BRIP1: variants seen among roughly 807,000 people sequenced by gnomAD.
BRIP1 encodes Fanconi anemia group J protein.
In BRIP1, 88 loss-of-function variants were observed where a neutral mutation model predicts 119.7. The observed-to-expected ratio is 0.74, with a 90% CI of 0.62 to 0.88. The LOEUF is 0.88. Among genes scored for constraint, BRIP1 ranks in the 40% least tolerant of loss-of-function variants. The pLI is 0.00. For missense variants in BRIP1, 1,259 were observed against 1,455.4 expected, an observed-to-expected ratio of 0.87 and a Z score of 2.20; for synonymous variants, 443 against 496.5, an observed-to-expected ratio of 0.89 and a Z score of 1.43.
At chr17:61,685,728 T>A in intron 19 of BRIP1, 108 bp downstream of exon 19, 2 of 1,041,874 alleles carry the variant, frequency 1.9e-6, no homozygotes, top group Non-Finnish European at 2.9e-6. Context: ...CACCTTATAT[T>A]ACAAACCACC....
chr17:61,859,780 T>C lies in BRIP1; in HGVS notation c.205+16A>G, dbSNP rs1057520253. The C allele has an allele frequency of 2.0e-6, 3 of 1,532,548 alleles. No individual in the cohort carries two copies. The highest frequency in any genetic ancestry group is 2.7e-6 in the Non-Finnish European group (3 of 1,105,824). 94.9% of individuals were successfully genotyped at this position (1,532,548 alleles called of 1,614,324 possible). A position where few individuals can be genotyped will look rare whatever the true frequency, so the allele number is the denominator to read the frequency against. ...GATCCCAGTAAGTAACCTGAAGATA[T>C]CAAGCAACTACTTACCACTAAGAGA... On this transcript the variant is annotated intron_variant, in intron 3 of 19. Transcript: ENST00000259008.
At chr17:61,727,581 A>G (rs2076782672) in intron 16 of BRIP1, among the ~76,000 whole-genome samples, 3 of 152,206 alleles carry the variant, frequency 2.0e-5, no homozygotes, top group Admixed American at 1.3e-4. Flanking sequence ...AGCCAGGGCA[A>G]CATAGCAAGA....
At chr17:61,800,623 C>T (rs9904292) in intron 8 of BRIP1, among the ~76,000 whole-genome samples, 118,447 of 152,086 alleles carry the variant, frequency 0.78, 46,615 homozygotes, top group African/African-American at 0.85. Context: ...GGAAAACTGA[C>T]CTGGCATTGA....
intron 13 of BRIP1, among the ~76,000 whole-genome samples, chr17:61,779,268 G>A (rs1017723420): frequency 5.3e-5 from 8 of 152,142 alleles, no homozygotes; most frequent in Non-Finnish European, 1.0e-4. Context: ...TAGTCTAATG[G>A]AAAAGAGAAG....
intron 8 of BRIP1, among the ~76,000 whole-genome samples, chr17:61,800,355 A>G (rs971788648): frequency 6.6e-6 from 1 of 152,152 alleles, no homozygotes. Context: ...GGTTTAAAAG[A>G]TAAGTAGGAT....
rs1429616893 is a variant in BRIP1 at position 61,706,155 on chromosome 17, T to C, written c.2492+9796A>G. ...TGGTGAATTCACCCTTTTATCATTA[T>C]GTAATGTTCTCTTTTATCCCTAATT... On this transcript the variant is annotated intron_variant, in intron 17 of 19. Coordinates refer to ENST00000259008, the MANE Select transcript of BRIP1 (RefSeq NM_032043.3). This position sits in a 1 kb window ranked among gnomAD's most constrained non-coding sequence, Gnocchi z 5.7. 5.3e-5 allele frequency among the ~76,000 whole-genome samples: 8 copies of C among 152,178 alleles called. No individual in the cohort carries two copies. Among genetic ancestry groups the C allele is most frequent in the Non-Finnish European group, 1.0e-4 (7 of 67,994 alleles).
intron 6 of BRIP1, among the ~76,000 whole-genome samples, chr17:61,829,967 T>G (rs1207690589): frequency 6.6e-6 from 1 of 151,758 alleles, no homozygotes; most frequent in Non-Finnish European, 1.5e-5. Flanking sequence ...AGTTTCGCTC[T>G]TGTTGCCCAG....
chr17:61,743,068 T>C lies in BRIP1; in HGVS notation c.2324A>G (p.Asn775Ser), dbSNP rs571108955. Reference protein sequence around the residue: ...VSEGLDFSDDNARAVITIGIP... With the variant: ...VSEGLDFSDDSARAVITIGIP... ...TCCTATTGTTATGACAGCACGGGCA[T>C]TGTCATCTGAGAAATCCAGACCCTC... The change falls in exon 16 of 20, where the codon AAT becomes AGT. Residue 775 changes from asparagine to serine, a missense_variant. Transcript: ENST00000259008. This position sits in a 1 kb window ranked among gnomAD's most constrained non-coding sequence, Gnocchi z 4.3. 66 of 1,613,930 alleles carry C rather than the reference T, an allele frequency of 4.1e-5. No individual in the cohort carries two copies. In the East Asian group the frequency reaches 1.4e-3, roughly 33 times the overall value.
rs1247262012 is a variant in BRIP1, at chr17:61,769,408, T to C, written c.2097+6993A>G. ...ATTCTAATGTAGGCTTTCTGTCTTC[T>C]GCATGGTCAGTATCAAACCCCTCTG... On this transcript the variant is annotated intron_variant, in intron 14 of 19. Coordinates refer to ENST00000259008, the MANE Select transcript of BRIP1 (RefSeq NM_032043.3). The surrounding 1 kb of genome is among the most constrained non-coding windows in gnomAD (Gnocchi z 4.9). 6.6e-6 allele frequency among the ~76,000 whole-genome samples: 1 copy of C among 152,176 alleles called. No individual in the cohort carries two copies. Among genetic ancestry groups the C allele is most frequent in the Non-Finnish European group, 1.5e-5 (1 of 68,038 alleles).
In BRIP1 at chr17:61,827,287, G is replaced by A. The variant is rs2078424064; in HGVS notation, c.628-18530C>T. On this transcript the variant is annotated intron_variant, in intron 6 of 19. Coordinates refer to ENST00000259008, the MANE Select transcript of BRIP1 (RefSeq NM_032043.3). The surrounding 1 kb of genome is among the most constrained non-coding windows in gnomAD (Gnocchi z 5.8). ...GCCTATCAGAGGGTAGAGGGTGGGA[G>A]CAGGGAGAGGATCAGAAAAATAACT... Among the ~76,000 whole-genome samples the A allele has an allele frequency of 6.6e-6, 1 of 152,164 alleles. No individual in the cohort carries two copies. Among genetic ancestry groups the A allele is most frequent in the South Asian group, 2.1e-4 (1 of 4,826 alleles).
Position 61,815,308 on chromosome 17 carries a change from G to A in BRIP1, c.628-6551C>T, listed in dbSNP as rs919687808. Among the ~76,000 whole-genome samples the A allele has an allele frequency of 4.6e-5, 7 of 152,218 alleles. No individual in the cohort carries two copies. The South Asian group carries it at 8.3e-4, about 18-fold the overall frequency. ...CCAGAAACTACAGACACAATTTTGT[G>A]TGCATTTTTAGAAAGTGAACCCCTA... is the stretch of plus-strand genomic sequence containing the variant. On this transcript the variant is annotated intron_variant, in intron 6 of 19. Coordinates refer to ENST00000259008, the MANE Select transcript of BRIP1 (RefSeq NM_032043.3). The surrounding 1 kb of genome is among the most constrained non-coding windows in gnomAD (Gnocchi z 4.1).
rs530158537 is a variant in BRIP1 at position 61,707,217 on chromosome 17, T to G, written c.2492+8734A>C. 8.8e-4 allele frequency among the ~76,000 whole-genome samples: 134 copies of G among 152,286 alleles called. 1 individual carries two copies. Among genetic ancestry groups the G allele is most frequent in the African/African-American group, 2.9e-3 (120 of 41,578 alleles). ...TTTCCCTAAAATATTTGAAGACAATTTCTTCTATTTTTTTGGTTTCAGTGT... is the reference window on the plus strand; with the variant it reads ...TTTCCCTAAAATATTTGAAGACAATGTCTTCTATTTTTTTGGTTTCAGTGT... On this transcript the variant is annotated intron_variant, in intron 17 of 19. Transcript: ENST00000259008.
chr17:61,696,781 C>G (rs557455112), intron 17 of BRIP1, among the ~76,000 whole-genome samples: 1 of 150,956 alleles, frequency 6.6e-6, no homozygotes, highest in Non-Finnish European at 1.5e-5. Context: ...ATCAGGAGAT[C>G]GATACCATCC....
rs368139109 is a variant in BRIP1 at position 61,743,739 on chromosome 17, G to A, written c.2258-605C>T. Among the ~76,000 whole-genome samples the A allele has an allele frequency of 2.1e-4, 32 of 152,152 alleles. No individual in the cohort carries two copies. In the South Asian group the frequency reaches 6.7e-3, roughly 32 times the overall value. Reference sequence around the variant, plus strand: ...GTCTCACTCTGTCAGCCAGGCTGGAGTGCAGTGGCACAATCACAGCTCACT... The same window carrying A: ...GTCTCACTCTGTCAGCCAGGCTGGAATGCAGTGGCACAATCACAGCTCACT... On this transcript the variant is annotated intron_variant, in intron 15 of 19. Transcript: ENST00000259008. This position sits in a 1 kb window ranked among gnomAD's most constrained non-coding sequence, Gnocchi z 4.3.
rs967591927 is a variant in BRIP1, at chr17:61,748,908, C to T, written c.2098-4317G>A. Among the ~76,000 whole-genome samples the T allele has an allele frequency of 2.0e-5, 3 of 152,260 alleles. No individual in the cohort carries two copies. Among genetic ancestry groups the T allele is most frequent in the Non-Finnish European group, 2.9e-5 (2 of 68,004 alleles). ...ATCCCAGCACTTTGGGAGGCCAAGGCGGGCAGATCACGAGGTCAGGAGATT... is the reference window on the plus strand; with the variant it reads ...ATCCCAGCACTTTGGGAGGCCAAGGTGGGCAGATCACGAGGTCAGGAGATT... On this transcript the variant is annotated intron_variant, in intron 14 of 19. Transcript: ENST00000259008. The surrounding 1 kb of genome is among the most constrained non-coding windows in gnomAD (Gnocchi z 4.7).
Position 61,704,772 on chromosome 17 carries a change from C to T in BRIP1, c.2492+11179G>A, listed in dbSNP as rs2061667326. Among the ~76,000 whole-genome samples the T allele has an allele frequency of 6.6e-6, 1 of 152,022 alleles. No homozygotes were observed. Among genetic ancestry groups the T allele is most frequent in the South Asian group, 2.1e-4 (1 of 4,812 alleles). ...TGTATAGAGTTTTTCGTAGTATTCT[C>T]ATATTATTCTTTTAATGCCTGTGGA... On this transcript the variant is annotated intron_variant, in intron 17 of 19. Coordinates refer to ENST00000259008, the MANE Select transcript of BRIP1 (RefSeq NM_032043.3). This position sits in a 1 kb window ranked among gnomAD's most constrained non-coding sequence, Gnocchi z 5.7.
Position 61,710,088 on chromosome 17 carries a change from G to A in BRIP1, c.2492+5863C>T, listed in dbSNP as rs2061748588. On this transcript the variant is annotated intron_variant, in intron 17 of 19. Transcript: ENST00000259008. The surrounding 1 kb of genome is among the most constrained non-coding windows in gnomAD (Gnocchi z 5.4). ...CTTATTGATTGGTTTTAAAGGGTAA[G>A]TTCCTTTGTAACAAATTATTAATTA... 6.6e-6 allele frequency among the ~76,000 whole-genome samples: 1 copy of A among 151,964 alleles called. No individual in the cohort carries two copies. The highest frequency in any genetic ancestry group is 2.1e-4 in the South Asian group (1 of 4,820).
rs1335825697 is a variant in BRIP1 at position 61,729,376 on chromosome 17, A to G, written c.2380-13313T>C. ...TTTCATAGTCATGATAATGTACATA[A>G]TAACTATAGATTTAATTAAAAATTG... On this transcript the variant is annotated intron_variant, in intron 16 of 19. Coordinates refer to ENST00000259008, the MANE Select transcript of BRIP1 (RefSeq NM_032043.3). This position sits in a 1 kb window ranked among gnomAD's most constrained non-coding sequence, Gnocchi z 5.6. Among the ~76,000 whole-genome samples, 1 of 152,230 alleles carries G rather than the reference A, an allele frequency of 6.6e-6. No homozygotes were observed. Among genetic ancestry groups the G allele is most frequent in the South Asian group, 2.1e-4 (1 of 4,830 alleles).
Position 61,740,588 on chromosome 17 carries a change from T to C in BRIP1, c.2379+2425A>G, listed in dbSNP as rs762439575. On this transcript the variant is annotated intron_variant, in intron 16 of 19. Coordinates refer to ENST00000259008, the MANE Select transcript of BRIP1 (RefSeq NM_032043.3). This position sits in a 1 kb window ranked among gnomAD's most constrained non-coding sequence, Gnocchi z 5.4. ...CATATACAGGCATCCCTGAGAGACATTGCAAGTTTGGTTCCAGACCACCCC... is the reference window on the plus strand; with the variant it reads ...CATATACAGGCATCCCTGAGAGACACTGCAAGTTTGGTTCCAGACCACCCC... Among the ~76,000 whole-genome samples the C allele has an allele frequency of 2.6e-5, 4 of 152,272 alleles. No individual in the cohort carries two copies. The highest frequency in any genetic ancestry group is 3.4e-3 in the Middle Eastern group (1 of 294).
Sources: gnomAD v4.1 joint callset for allele counts (sites outside exome capture counted in the v4.1 genomes callset) on GRCh38, gnomAD v4.1.1 for gene constraint, Gnocchi (gnomAD v3.1) non-coding constraint, MANE v1.5 for transcripts, NCBI Gene and HGNC (gene_info 2026-07-23, HGNC 2026-07-21) for gene names.